Variants in SUGP1 observed in about 807,000 individuals in gnomAD.
SUGP1 encodes SURP and G-patch domain-containing protein 1.
In SUGP1, 34 loss-of-function variants were observed where a neutral mutation model predicts 76.5. The ratio of observed to expected loss-of-function variants is 0.44; its 90% CI spans 0.34 to 0.59. The LOEUF is 0.59. Ranked by LOEUF, SUGP1 falls within the 20% of genes least tolerant of loss-of-function variation. The pLI is 0.01. For synonymous variants in SUGP1, 326 were observed against 326.2 expected (o/e 1.00, Z 0.01); for missense variants, 752 against 851.7 (o/e 0.88, Z 1.46).
At chr19:19,308,990 C>T (rs961346036) in intron 3 of SUGP1, among the ~76,000 whole-genome samples, 5 of 152,168 alleles carry the variant, frequency 3.3e-5, no homozygotes, top group Non-Finnish European at 7.3e-5. Context: ...CCTCAGCCTC[C>T]CGAGTAGCTG....
intron 6 of SUGP1, 102 bp from the exon 7 acceptor site, chr19:19,302,490 A>T (rs778866078): frequency 3.4e-6 from 5 of 1,491,974 alleles, no homozygotes; most frequent in Admixed American, 4.0e-5. Flanking sequence ...TTTAGGAATG[A>T]TGCAAAGAGA....
intron 12 of SUGP1, 89 bp from the exon 13 acceptor site, chr19:19,277,165 C>T (rs187189396): frequency 9.5e-5 from 124 of 1,311,576 alleles, no homozygotes; most frequent in African/African-American, 4.7e-4. Flanking sequence ...CAGCACCTCC[C>T]GCGGGTGCAG....
chr19:19,297,581 C>A (rs913322393), intron 7 of SUGP1, among the ~76,000 whole-genome samples: 2 of 152,168 alleles, frequency 1.3e-5, no homozygotes, highest in Non-Finnish European at 2.9e-5. Context: ...CTCACCCTGT[C>A]TTTATCAGGC....
intron 5 of SUGP1, 90 bp from the exon 6 acceptor site, chr19:19,303,538 G>A (rs944372479): frequency 1.1e-5 from 15 of 1,402,090 alleles, no homozygotes; most frequent in Non-Finnish European, 1.5e-5. Flanking sequence ...AAAAAAGGCA[G>A]GCTGGCGAGC....
chr19:19,277,705 G>A (rs549067544), intron 12 of SUGP1, 29 bp downstream of exon 12: 3 of 1,610,920 alleles, frequency 1.9e-6, no homozygotes, highest in South Asian at 1.1e-5. Flanking sequence ...CAAGTTCATG[G>A]CCATGCCCTC....
At chr19:19,291,889 TCACACACACACACACACACACACACA>T (rs541521385) in intron 8 of SUGP1, among the ~76,000 whole-genome samples, 2 of 128,636 alleles carry the variant, frequency 1.6e-5, no homozygotes, top group Non-Finnish European at 3.2e-5. Context: ...TGAGACTCTG[TCACACACACACACACACACACACACA>T]CACACACACA....
intron 8 of SUGP1, among the ~76,000 whole-genome samples, chr19:19,282,629 T>C (rs1283268381): frequency 6.6e-6 from 1 of 152,114 alleles, no homozygotes; most frequent in Non-Finnish European, 1.5e-5. Flanking sequence ...ATATTACAGT[T>C]GACCTTGAAC....
At chr19:19,300,578 C>A (rs1322566995) in intron 7 of SUGP1, among the ~76,000 whole-genome samples, 2 of 152,180 alleles carry the variant, frequency 1.3e-5, no homozygotes, top group Admixed American at 6.5e-5. Context: ...GCTGACCCTG[C>A]ATGGAGATTA....
At chr19:19,293,663 C>CA (rs978388111) in intron 8 of SUGP1, among the ~76,000 whole-genome samples, 1 of 152,058 alleles carries the variant, frequency 6.6e-6, no homozygotes. Context: ...ATCATACACC[C>CA]ACACATCATA....
At chr19:19,318,109 C>G (rs1366745513) in intron 1 of SUGP1, among the ~76,000 whole-genome samples, 1 of 98,508 alleles carries the variant, frequency 1.0e-5, no homozygotes, top group Non-Finnish European at 2.0e-5. Flanking sequence ...CCGAACCCAG[C>G]CTTCTTTTTT....
intron 8 of SUGP1, among the ~76,000 whole-genome samples, chr19:19,283,963 T>C (rs1199068170): frequency 2.0e-5 from 3 of 152,256 alleles, no homozygotes; most frequent in Non-Finnish European, 4.4e-5. Flanking sequence ...CTGTTGCTAT[T>C]GTAATGAGCT....
At chr19:19,278,887 G>C in intron 10 of SUGP1, 91 bp from the exon 11 acceptor site, 1 of 1,376,200 alleles carries the variant, frequency 7.3e-7, no homozygotes, top group Non-Finnish European at 1.0e-6. Flanking sequence ...ATGAGGCTCA[G>C]TGGGAGCCTG....
chr19:19,319,706 C>CAAAAAAAAAAAAA (rs570232030), intron 1 of SUGP1, among the ~76,000 whole-genome samples: 21 of 69,206 alleles, frequency 3.0e-4, no homozygotes, highest in Middle Eastern at 7.9e-3. Flanking sequence ...GACCCTGTCT[C>CAAAAAAAAAAAAA]AAAAAAAAAA....
Position 19,303,395 on chromosome 19 carries a change from G to A in SUGP1, c.716C>T (p.Ala239Val). The A allele has an allele frequency of 6.2e-7, 1 of 1,614,080 alleles. No individual in the cohort carries two copies. Among genetic ancestry groups the A allele is most frequent in the Admixed American group, 1.7e-5 (1 of 59,992 alleles). ...CTTCTGTGCTTCCTTTCTTATCTCA[G>A]CCACCTTCTTCCTGTAGTAGAGGAA... ...REFLYYRKKVAEIRKEAQKSQ... is the reference protein window; with the variant it reads ...REFLYYRKKVVEIRKEAQKSQ... Residue 239 changes from alanine (A) to valine (V), a missense_variant, in exon 6 of 14, where the codon GCT (alanine) becomes GTT (valine). Ala to Val is a moderately conservative substitution (Grantham distance 64). Around this residue, in one of 2 missense-constraint regions of SUGP1, gnomAD observed 620 missense variants for 617.3 expected, o/e 1.00. Coordinates refer to ENST00000247001, the MANE Select transcript of SUGP1 (RefSeq NM_172231.4).
Position 19,280,146 on chromosome 19 carries a change from GCCGA to G in SUGP1, c.1350+35_1350+38del, listed in dbSNP as rs774369749. 54 of 1,589,900 alleles carry G rather than the reference GCCGA, an allele frequency of 3.4e-5. No individual in the cohort carries two copies. In the Admixed American group the frequency reaches 4.4e-4, roughly 13 times the overall value. ...GGGTAGAGGACAACACTCTATGGGC[GCCGA>G]CCATGTCCCCGTCCCCTTGTCCCCG... On this transcript the variant is annotated intron_variant, in intron 9 of 13. Coordinates refer to ENST00000247001, the MANE Select transcript of SUGP1 (RefSeq NM_172231.4).
In SUGP1 at chr19:19,314,502, AAGG is replaced by A. The variant is rs559429316; in HGVS notation, c.206+1917_206+1919del. 3.9e-3 allele frequency among the ~76,000 whole-genome samples: 588 copies of A among 152,242 alleles called. 3 individuals carry two copies. Among genetic ancestry groups the A allele is most frequent in the African/African-American group, 0.014 (561 of 41,548 alleles). On this transcript the variant is annotated intron_variant, in intron 2 of 13. Coordinates refer to ENST00000247001, the MANE Select transcript of SUGP1 (RefSeq NM_172231.4). The stretch of plus-strand genomic sequence containing the variant: ...AATTACCTTTAAAGTTTAAAAAAAG[AAGG>A]AGTAGAAGTAATTTTATATGAAAAA...
In SUGP1 at chr19:19,297,140, G is replaced by A. The variant is rs752234954; in HGVS notation, c.1092C>T (p.Ile364=). ...PASSTPAPTI[I]PAPAAPGKPA... ...GCTTCCCGGGGGCAGCTGGAGCAGG[G>A]ATGATAGTGGGCGCAGGCGTGGACG... Residue 364 remains isoleucine (I), a synonymous_variant, in exon 8 of 14, where the codon ATC becomes ATT. Transcript: ENST00000247001. 5 of 1,614,012 alleles carry A rather than the reference G, an allele frequency of 3.1e-6. No homozygotes were observed. In the South Asian group the frequency reaches 4.4e-5, roughly 14 times the overall value.
chr19:19,314,436 T>C (rs2061377548), intron 2 of SUGP1, among the ~76,000 whole-genome samples: 1 of 152,164 alleles, frequency 6.6e-6, no homozygotes, highest in African/African-American at 2.4e-5. Context: ...GGTTTTTTGT[T>C]TACCCCTCTT....
rs1378994979 is a variant in SUGP1 at position 19,278,019 on chromosome 19, GAACA to G, written c.1636-144_1636-141del. 13 of 1,043,654 alleles carry G rather than the reference GAACA, an allele frequency of 1.2e-5. No homozygotes were observed. The East Asian group carries it at 2.5e-4, about 20-fold the overall frequency. 64.6% of individuals were successfully genotyped at this position (1,043,654 alleles called of 1,614,324 possible). A position where few individuals can be genotyped will look rare whatever the true frequency, so the allele number is the denominator to read the frequency against. ...CCTCTCACCAGATCAGACTCCTTGA[GAACA>G]AACAGACCAAGCTCCTCCTGCTTCT... is the stretch of plus-strand genomic sequence containing the variant. On this transcript the variant is annotated intron_variant, in intron 11 of 13. Coordinates refer to ENST00000247001, the MANE Select transcript of SUGP1 (RefSeq NM_172231.4).
Sources: allele counts gnomAD v4.1 joint callset (sites outside exome capture counted in the v4.1 genomes callset), GRCh38; gene constraint gnomAD v4.1.1; regional missense constraint gnomAD v4.1.1; transcripts MANE v1.5; gene names NCBI Gene and HGNC (gene_info 2026-07-23, HGNC 2026-07-21).